The following DCDC1 variants were observed in gnomAD, a reference collection of about 807,000 sequenced individuals.
DCDC1 encodes doublecortin domain containing 1.
A neutral mutation model predicts 178.3 loss-of-function variants in DCDC1; 200 were observed. The ratio of observed to expected loss-of-function variants is 1.12; its 90% CI spans 1.00 to 1.26. The LOEUF is 1.26. Ranked by LOEUF, DCDC1 falls within the 50% of genes most tolerant of loss-of-function variation. The pLI, the probability that DCDC1 is intolerant of heterozygous loss-of-function variation, is 0.00. For synonymous variants in DCDC1, 690 were observed against 604.8 expected, an observed-to-expected ratio of 1.14 and a Z score of -2.07; for missense variants, 1,983 against 1,749.2, an observed-to-expected ratio of 1.13 and a Z score of -2.38.
At chr11:31,205,718 G>A (rs1971786328) in intron 9 of DCDC1, among the ~76,000 whole-genome samples, 1 of 152,064 alleles carries the variant, frequency 6.6e-6, no homozygotes. Flanking sequence ...CTTAGCCTTA[G>A]CAACCTAGAG....
intron 18 of DCDC1, among the ~76,000 whole-genome samples, chr11:31,076,426 G>A (rs1041847991): frequency 6.6e-6 from 1 of 152,026 alleles, no homozygotes; most frequent in African/African-American, 2.4e-5. Flanking sequence ...ACAGCTCACT[G>A]CAGCCTTGAC....
chr11:31,174,049 C>T (rs563154922), intron 9 of DCDC1, among the ~76,000 whole-genome samples: 2 of 152,276 alleles, frequency 1.3e-5, no homozygotes, highest in African/African-American at 4.8e-5. Context: ...AGGAGTCTTG[C>T]ACTTCCCCAA....
At chr11:31,297,614 G>A (rs927376392) in intron 6 of DCDC1, among the ~76,000 whole-genome samples, 2 of 152,064 alleles carry the variant, frequency 1.3e-5, no homozygotes, top group Admixed American at 1.3e-4. Flanking sequence ...CAAAGTGCTG[G>A]GATCACAGGC....
intron 38 of DCDC1, among the ~76,000 whole-genome samples, chr11:30,869,805 G>A (rs992319781): frequency 1.3e-5 from 2 of 152,140 alleles, no homozygotes; most frequent in African/African-American, 2.4e-5. Context: ...GGGGACCTCC[G>A]GATTCCAAAG....
chr11:31,226,721 A>G (rs571165369), intron 9 of DCDC1, among the ~76,000 whole-genome samples: 12 of 151,708 alleles, frequency 7.9e-5, no homozygotes, highest in African/African-American at 2.4e-4. Context: ...AAAAAAAAAA[A>G]AAAGAAAGTT....
chr11:31,307,203 TTCTG>T (rs1464547270), intron 4 of DCDC1, among the ~76,000 whole-genome samples: 1 of 152,250 alleles, frequency 6.6e-6, no homozygotes, highest in Non-Finnish European at 1.5e-5. Flanking sequence ...TAATATTTTC[TTCTG>T]TCTATGAACT....
chr11:30,886,536 C>T (rs1175301357), intron 36 of DCDC1, among the ~76,000 whole-genome samples: 4 of 151,728 alleles, frequency 2.6e-5, no homozygotes, highest in African/African-American at 9.7e-5. Flanking sequence ...TTGTAGACAG[C>T]CATCTCCTTG....
intron 20 of DCDC1, among the ~76,000 whole-genome samples, chr11:31,044,993 A>G (rs1954734329): frequency 6.6e-6 from 1 of 152,178 alleles, no homozygotes. Flanking sequence ...ATGTTATTAT[A>G]CTTTTTGTTC....
At chr11:31,162,488 A>G (rs942995521) in intron 9 of DCDC1, among the ~76,000 whole-genome samples, 1 of 152,114 alleles carries the variant, frequency 6.6e-6, no homozygotes, top group African/African-American at 2.4e-5. Context: ...TTGGGAAAAG[A>G]TTTCACCTAC....
rs539194792 is a variant in DCDC1 at position 31,174,385 on chromosome 11, C to T, written c.1222-36601G>A. Among the ~76,000 whole-genome samples, 659 of 152,284 alleles carry T rather than the reference C, an allele frequency of 4.3e-3. 3 individuals are homozygous for T. Among genetic ancestry groups the T allele is most frequent in the Admixed American group, 7.6e-3 (116 of 15,296 alleles). On this transcript the variant is annotated intron_variant, in intron 9 of 38. Transcript: ENST00000684477. ...ATGCCAGCCCCCTGCCACCTTGGGC[C>T]CCTCTGGACTTTGGGCACCAACCAG...
At chr11:30,923,570 G>A (rs1194544584) in intron 23 of DCDC1, among the ~76,000 whole-genome samples, 1 of 150,090 alleles carries the variant, frequency 6.7e-6, no homozygotes, top group Non-Finnish European at 1.5e-5. Context: ...ACAAACATTC[G>A]ACATTTTGTG....
At chr11:31,358,295 G>C (rs1252537062) in intron 1 of DCDC1, among the ~76,000 whole-genome samples, 1 of 152,040 alleles carries the variant, frequency 6.6e-6, no homozygotes, top group East Asian at 1.9e-4. Flanking sequence ...ATATCTACAA[G>C]TATCTGATCT....
Position 31,057,960 on chromosome 11 carries a change from T to G in DCDC1, c.2591+6509A>C, listed in dbSNP as rs1257510637. 2.0e-5 allele frequency among the ~76,000 whole-genome samples: 3 copies of G among 152,234 alleles called. No individual in the cohort carries two copies. The East Asian group carries it at 5.8e-4, about 29-fold the overall frequency. On this transcript the variant is annotated intron_variant, in intron 20 of 38. Coordinates refer to ENST00000684477, the MANE Select transcript of DCDC1 (RefSeq NM_001387274.1). ...TTTCTCTCTTCCCTGTTAGATTCTG[T>G]GGGGACAGCTCTGTGTGGGGACAGC...
chr11:31,152,860 G>C (rs748273095), intron 9 of DCDC1, among the ~76,000 whole-genome samples: 1 of 152,170 alleles, frequency 6.6e-6, no homozygotes, highest in African/African-American at 2.4e-5. Context: ...GGCATAATTA[G>C]TTCAGGAATG....
intron 4 of DCDC1, among the ~76,000 whole-genome samples, chr11:31,306,701 T>C (rs1565587049): frequency 6.6e-6 from 1 of 151,816 alleles, no homozygotes; most frequent in Non-Finnish European, 1.5e-5. Context: ...ATATATATTA[T>C]ATGCAACTAA....
At position 31,050,593 on chromosome 11, in the gene DCDC1, G is replaced by T. The variant is rs147850445; in HGVS notation, c.2591+13876C>A. Among the ~76,000 whole-genome samples, 571 of 152,234 alleles carry T rather than the reference G, an allele frequency of 3.8e-3. 6 individuals are homozygous for T. The highest frequency in any genetic ancestry group is 0.013 in the African/African-American group (548 of 41,538). The stretch of plus-strand genomic sequence containing the variant: ...ATCACCAAAGCTAAGAACCCTCATG[G>T]AGTCCACTGCACCTGCTGCCACCTC... On this transcript the variant is annotated intron_variant, in intron 20 of 38. Coordinates refer to ENST00000684477, the MANE Select transcript of DCDC1 (RefSeq NM_001387274.1).
chr11:30,972,299 A>G (rs574729265), intron 20 of DCDC1, among the ~76,000 whole-genome samples: 111 of 152,342 alleles, frequency 7.3e-4, no homozygotes, highest in African/African-American at 2.6e-3. Flanking sequence ...TAGAAACATT[A>G]TAGGAGAGAA....
chr11:31,310,236 T>C (rs1948687827), intron 3 of DCDC1, among the ~76,000 whole-genome samples: 1 of 151,964 alleles, frequency 6.6e-6, no homozygotes, highest in Non-Finnish European at 1.5e-5. Flanking sequence ...GTTAATATTA[T>C]TGGTCCACTA....
intron 15 of DCDC1, among the ~76,000 whole-genome samples, chr11:31,101,771 T>C (rs1565284618): frequency 1.2e-5 from 1 of 80,320 alleles, no homozygotes; most frequent in Non-Finnish European, 2.3e-5. Context: ...GTAATATAAT[T>C]TATAGTTTAA....
Sources: gnomAD v4.1 joint callset for allele counts (sites outside exome capture counted in the v4.1 genomes callset) on GRCh38, gnomAD v4.1.1 for gene constraint, MANE v1.5 for transcripts, NCBI Gene and HGNC (gene_info 2026-07-23, HGNC 2026-07-21) for gene names.